Variants in MGAT4C observed in about 807,000 individuals in gnomAD.
MGAT4C encodes the protein MGAT4 family member C.
MGAT4C carries 19 observed loss-of-function variants against 40.1 expected under a neutral mutation model. That is an observed-to-expected ratio of 0.47 (90% confidence interval 0.33 to 0.70). The LOEUF is 0.70. MGAT4C is among the 30% of genes least tolerant of loss of function. The probability of loss-of-function intolerance (pLI) is 0.02; values close to 1 mark genes in which losing one functional copy is unlikely to be tolerated. For synonymous variants in MGAT4C, 181 were observed against 187.1 expected, an observed-to-expected ratio of 0.97 and a Z score of 0.27; for missense variants, 491 against 563.2, an observed-to-expected ratio of 0.87 and a Z score of 1.30.
intron 2 of MGAT4C, among the ~76,000 whole-genome samples, chr12:86,643,301 G>T (rs1282801804): frequency 6.6e-6 from 1 of 151,750 alleles, no homozygotes; most frequent in Non-Finnish European, 1.5e-5. Context: ...TGGGGATTAG[G>T]ATTCCAACAT....
intron 1 of MGAT4C, among the ~76,000 whole-genome samples, chr12:86,202,526 A>G (rs1950089674): frequency 1.3e-5 from 2 of 152,108 alleles, no homozygotes; most frequent in South Asian, 4.1e-4. Flanking sequence ...TGTGTGTTTC[A>G]CTGAATTTCT....
chr12:86,740,367 T>C (rs1951049631), intron 1 of MGAT4C, among the ~76,000 whole-genome samples: 1 of 151,168 alleles, frequency 6.6e-6, no homozygotes, highest in Admixed American at 6.6e-5. Context: ...TTTTGTTCAG[T>C]AGAAAATTTT....
intron 2 of MGAT4C, among the ~76,000 whole-genome samples, chr12:86,668,957 T>G (rs1964183504): frequency 6.6e-6 from 1 of 152,116 alleles, no homozygotes; most frequent in Admixed American, 6.5e-5. Flanking sequence ...ACCAGCAGCC[T>G]GAGCTGCCTC....
At chr12:86,432,820 T>C (rs1050209421) in intron 3 of MGAT4C, among the ~76,000 whole-genome samples, 1 of 152,136 alleles carries the variant, frequency 6.6e-6, no homozygotes. Context: ...CAAAACTGTC[T>C]CATTGTATTT....
intron 1 of MGAT4C, among the ~76,000 whole-genome samples, chr12:86,169,197 T>C (rs763747436): frequency 3.9e-5 from 6 of 152,118 alleles, no homozygotes; most frequent in Non-Finnish European, 8.8e-5. Context: ...CTTGACACCA[T>C]GAAAGAATGA....
chr12:86,443,570 C>T (rs1362630132), intron 2 of MGAT4C, among the ~76,000 whole-genome samples: 1 of 152,060 alleles, frequency 6.6e-6, no homozygotes, highest in Non-Finnish European at 1.5e-5. Context: ...CAACTAGCTA[C>T]CAAACTGTTT....
intron 4 of MGAT4C, among the ~76,000 whole-genome samples, chr12:86,318,460 C>CT (rs1954298850): frequency 6.6e-6 from 1 of 152,192 alleles, no homozygotes; most frequent in African/African-American, 2.4e-5. Flanking sequence ...TGGCACCTGC[C>CT]ATCCCACTTC....
intron 1 of MGAT4C, among the ~76,000 whole-genome samples, chr12:86,241,879 AT>A (rs763743878): frequency 1.6e-4 from 25 of 152,266 alleles, no homozygotes; most frequent in Non-Finnish European, 3.4e-4. Flanking sequence ...ACTTGGCCCA[AT>A]AAGCCACTCT....
intron 3 of MGAT4C, among the ~76,000 whole-genome samples, chr12:86,434,738 G>A (rs1957107101): frequency 6.6e-6 from 1 of 151,848 alleles, no homozygotes; most frequent in Admixed American, 6.6e-5. Flanking sequence ...TGAATCCAAA[G>A]GCCGAATTTG....
At chr12:86,458,205 C>T (rs930207130) in intron 2 of MGAT4C, among the ~76,000 whole-genome samples, 10 of 152,076 alleles carry the variant, frequency 6.6e-5, no homozygotes, top group African/African-American at 2.4e-4. Context: ...TACTTAAAAT[C>T]ATTACAGACA....
intron 2 of MGAT4C, among the ~76,000 whole-genome samples, chr12:86,695,826 A>G (rs1444925638): frequency 1.3e-5 from 2 of 152,222 alleles, no homozygotes; most frequent in East Asian, 3.9e-4. Flanking sequence ...AATAGGTACA[A>G]AAAAATAGAA....
chr12:86,641,627 G>T (rs1963391822), intron 2 of MGAT4C, among the ~76,000 whole-genome samples: 1 of 151,882 alleles, frequency 6.6e-6, no homozygotes, highest in Non-Finnish European at 1.5e-5. Context: ...GATTTTGATT[G>T]CTTTTCTCCA....
chr12:86,209,425 G>A (rs1298828742), intron 1 of MGAT4C, among the ~76,000 whole-genome samples: 1 of 152,018 alleles, frequency 6.6e-6, no homozygotes, highest in Non-Finnish European at 1.5e-5. Context: ...TTCTATTAAG[G>A]AAAATATGAA....
intron 2 of MGAT4C, among the ~76,000 whole-genome samples, chr12:86,603,508 A>T (rs1445305912): frequency 1.5e-3 from 33 of 22,518 alleles, no homozygotes; most frequent in Admixed American, 3.7e-3. Context: ...TACTATATAT[A>T]GTCTATAGTC....
At chr12:86,039,142 C>T (rs1217060037) in intron 2 of MGAT4C, among the ~76,000 whole-genome samples, 1 of 152,140 alleles carries the variant, frequency 6.6e-6, no homozygotes. Flanking sequence ...TCTCTGGCTG[C>T]CCTTAATATT....
At chr12:86,459,612 A>G (rs1176104701) in intron 2 of MGAT4C, among the ~76,000 whole-genome samples, 1 of 151,754 alleles carries the variant, frequency 6.6e-6, no homozygotes, top group Non-Finnish European at 1.5e-5. Context: ...TGAGAATTAT[A>G]AATTATTTAT....
At chr12:86,411,840 A>G (rs1433589490) in intron 3 of MGAT4C, among the ~76,000 whole-genome samples, 1 of 152,124 alleles carries the variant, frequency 6.6e-6, no homozygotes, top group African/African-American at 2.4e-5. Flanking sequence ...GGATTGAAGA[A>G]TGGTTTTTCA....
At chr12:86,588,243 A>T (rs944376246) in intron 2 of MGAT4C, among the ~76,000 whole-genome samples, 2 of 151,906 alleles carry the variant, frequency 1.3e-5, no homozygotes, top group Non-Finnish European at 2.9e-5. Context: ...AAAAGGCAGG[A>T]TTTGCAATCC....
chr12:86,580,587 C>A (rs1960742694), intron 2 of MGAT4C, among the ~76,000 whole-genome samples: 1 of 151,486 alleles, frequency 6.6e-6, no homozygotes, highest in Middle Eastern at 3.2e-3. Context: ...GTCCGATAGT[C>A]ACACAGGCTT....
Sources: allele counts gnomAD v4.1 joint callset (sites outside exome capture counted in the v4.1 genomes callset), GRCh38; gene constraint gnomAD v4.1.1; transcripts MANE v1.5; gene names NCBI Gene and HGNC (gene_info 2026-07-23, HGNC 2026-07-21).